CHRNA7: variants seen among roughly 807,000 people sequenced by gnomAD.
CHRNA7 encodes cholinergic receptor nicotinic alpha 7 subunit.
A neutral mutation model predicts 48.0 loss-of-function variants in CHRNA7; 17 were observed. The observed-to-expected ratio is 0.35, with a 90% CI of 0.24 to 0.53. CHRNA7 has a LOEUF of 0.53. Among genes scored for constraint, CHRNA7 ranks in the 20% least tolerant of loss-of-function variants. The pLI is 0.92. For missense variants in CHRNA7, 155 were observed against 577.7 expected (o/e 0.27, Z 7.50); for synonymous variants, 75 against 242.3 (o/e 0.31, Z 6.41).
intron 3 of CHRNA7, 155 bp from the exon 4 acceptor site, chr15:32,111,635 T>C: frequency 1.8e-6 from 1 of 569,114 alleles, no homozygotes; most frequent in Non-Finnish European, 3.1e-6. Flanking sequence ...GGAAAGGATT[T>C]TTGAATTCCC....
In CHRNA7 at chr15:32,109,499, A is replaced by G. The variant is rs368581669; in HGVS notation, c.241-2291A>G. ...CCCTGCTTTACCCAGCTCCTATTTA[A>G]GATGGAGTTTCCCTGGTTTAAATGC... On this transcript the variant is annotated intron_variant, in intron 3 of 9. Transcript: ENST00000306901. Among the ~76,000 whole-genome samples the G allele has an allele frequency of 1.6e-4, 24 of 152,326 alleles. 1 individual carries two copies. The East Asian group carries it at 3.3e-3, about 21-fold the overall frequency.
intron 2 of CHRNA7, among the ~76,000 whole-genome samples, chr15:32,034,126 G>T (rs1248870918): frequency 2.6e-5 from 4 of 152,164 alleles, no homozygotes; most frequent in African/African-American, 9.7e-5. Flanking sequence ...TATACAAAGT[G>T]CTAGAAAACA....
At chr15:32,138,467 C>T (rs1181766855) in intron 4 of CHRNA7, among the ~76,000 whole-genome samples, 1 of 151,632 alleles carries the variant, frequency 6.6e-6, no homozygotes, top group African/African-American at 2.4e-5. Context: ...GCACAGCCTC[C>T]CCCATCATCA....
chr15:32,158,194 AAAG>A, intron 6 of CHRNA7: 1 of 405,908 alleles, frequency 2.5e-6, no homozygotes, highest in Non-Finnish European at 4.1e-6. Flanking sequence ...CAATCCACCA[AAAG>A]AATATGTACC....
At chr15:32,162,431 T>G (rs1401088318) in intron 8 of CHRNA7, 3 of 143,272 alleles carry the variant, frequency 2.1e-5, no homozygotes, top group Non-Finnish European at 4.6e-5. Flanking sequence ...ACTTCAGAGA[T>G]TCAAAGGTTT....
chr15:32,069,334 T>C (rs774443103), intron 2 of CHRNA7, among the ~76,000 whole-genome samples: 1 of 152,204 alleles, frequency 6.6e-6, no homozygotes, highest in Non-Finnish European at 1.5e-5. Context: ...TGAGTAGACA[T>C]TTATTCAGTG....
At chr15:32,043,320 A>C (rs148362335) in intron 2 of CHRNA7, among the ~76,000 whole-genome samples, 1 of 152,302 alleles carries the variant, frequency 6.6e-6, no homozygotes, top group Non-Finnish European at 1.5e-5. Context: ...AAAAAATTGA[A>C]TTTGATAATC....
At chr15:32,038,042 G>A (rs1033567359) in intron 2 of CHRNA7, among the ~76,000 whole-genome samples, 19 of 117,368 alleles carry the variant, frequency 1.6e-4, no homozygotes, top group African/African-American at 4.8e-4. Flanking sequence ...GTTAGCTATA[G>A]GTTTTTTGGA....
chr15:32,053,031 T>G (rs2049720154), intron 2 of CHRNA7, among the ~76,000 whole-genome samples: 1 of 152,184 alleles, frequency 6.6e-6, no homozygotes, highest in Non-Finnish European at 1.5e-5. Flanking sequence ...AAATCTGTAA[T>G]GCACCTTTAT....
At chr15:32,069,448 C>T (rs950110385) in intron 2 of CHRNA7, among the ~76,000 whole-genome samples, 1 of 152,248 alleles carries the variant, frequency 6.6e-6, no homozygotes, top group South Asian at 2.1e-4. Context: ...GAGTTGGAGA[C>T]CAGCCTGGGC....
intron 2 of CHRNA7, among the ~76,000 whole-genome samples, chr15:32,074,431 C>T (rs898685421): frequency 2.7e-5 from 4 of 149,008 alleles, no homozygotes; most frequent in African/African-American, 9.8e-5. Flanking sequence ...AGAGAGCAAA[C>T]GTCTTTGCCT....
At chr15:32,067,346 G>A (rs1349516073) in intron 2 of CHRNA7, among the ~76,000 whole-genome samples, 3 of 152,184 alleles carry the variant, frequency 2.0e-5, no homozygotes, top group African/African-American at 7.2e-5. Flanking sequence ...AGAAACCATG[G>A]AAGATAGAAA....
At chr15:32,038,188 TTG>T (rs1016447916) in intron 2 of CHRNA7, among the ~76,000 whole-genome samples, 1 of 148,400 alleles carries the variant, frequency 6.7e-6, no homozygotes, top group African/African-American at 2.4e-5. Flanking sequence ...TAAACATATT[TTG>T]TATATATAAT....
intron 9 of CHRNA7, chr15:32,166,189 G>A (rs1267447499): frequency 6.6e-6 from 1 of 152,186 alleles, no homozygotes; most frequent in Non-Finnish European, 1.5e-5. Context: ...CAGTTTATTA[G>A]CCTCTTTGAA....
At position 32,119,004 on chromosome 15, in the gene CHRNA7, A is replaced by C. The variant is rs945236548; in HGVS notation, c.350+7105A>C. On this transcript the variant is annotated intron_variant, in intron 4 of 9. Transcript: ENST00000306901. ...CTTCGAAATGCAAAAAAAAAAAAAA[A>C]ATAGTGAGGGAAGAGAAAAAAAGAC... is the stretch of plus-strand genomic sequence containing the variant. Among the ~76,000 whole-genome samples, 12 of 109,626 alleles carry C rather than the reference A, an allele frequency of 1.1e-4. 1 individual carries two copies. The highest frequency in any genetic ancestry group is 9.9e-4 in the Admixed American group (11 of 11,080). 71.9% of individuals were successfully genotyped at this position (109,626 alleles called of 152,430 possible).
At chr15:32,152,408 A>C (rs960179242) in intron 4 of CHRNA7, among the ~76,000 whole-genome samples, 1 of 152,034 alleles carries the variant, frequency 6.6e-6, no homozygotes, top group East Asian at 1.9e-4. Flanking sequence ...GTGCCCCTGC[A>C]CTCCAGCCTG....
chr15:32,070,637 T>G (rs2050039688), intron 2 of CHRNA7, among the ~76,000 whole-genome samples: 1 of 151,002 alleles, frequency 6.6e-6, no homozygotes, highest in Non-Finnish European at 1.5e-5. Flanking sequence ...TTTGAGTTTT[T>G]TTTGTGTGTG....
At chr15:32,151,222 C>T (rs960247556) in intron 4 of CHRNA7, among the ~76,000 whole-genome samples, 1 of 152,108 alleles carries the variant, frequency 6.6e-6, no homozygotes, top group African/African-American at 2.4e-5. Flanking sequence ...TCTCCTCTTT[C>T]TTGCTCTGAA....
chr15:32,126,471 A>G (rs373212022), intron 4 of CHRNA7, among the ~76,000 whole-genome samples: 5 of 152,350 alleles, frequency 3.3e-5, no homozygotes, highest in African/African-American at 1.2e-4. Context: ...AGGCAAAGAA[A>G]GAAGCCTTCG....
Sources: allele counts gnomAD v4.1 joint callset (sites outside exome capture counted in the v4.1 genomes callset), GRCh38; gene constraint gnomAD v4.1.1; transcripts MANE v1.5; gene names NCBI Gene and HGNC (gene_info 2026-07-23, HGNC 2026-07-21).